TCP11: variants seen among roughly 807,000 people sequenced by gnomAD.
TCP11 encodes the protein t-complex 11.
In TCP11, 34 loss-of-function variants were observed where a neutral mutation model predicts 45.0. The observed-to-expected ratio is 0.76, with a 90% CI of 0.57 to 1.01. The LOEUF (loss-of-function observed/expected upper bound fraction) is 1.01. TCP11 is among the 50% of genes least tolerant of loss of function. TCP11 has a pLI of 0.00. For synonymous variants in TCP11, 227 were observed against 227.0 expected (o/e 1.00, Z 0.00); for missense variants, 523 against 598.1 (o/e 0.87, Z 1.31).
chr6:35,139,706 G>A (rs566075193), intron 2 of TCP11, among the ~76,000 whole-genome samples: 78 of 152,284 alleles, frequency 5.1e-4, no homozygotes, highest in Non-Finnish European at 7.9e-4. Context: ...GCCTTGATAA[G>A]ACTTCTGTTG....
At chr6:35,135,918 T>C (rs1017575760) in intron 3 of TCP11, among the ~76,000 whole-genome samples, 189 bp downstream of exon 3, 3 of 152,198 alleles carry the variant, frequency 2.0e-5, no homozygotes, top group African/African-American at 7.2e-5. Flanking sequence ...CTAAGTAACA[T>C]TTGCTTCTTG....
intron 3 of TCP11, 65 bp downstream of exon 3, chr6:35,136,042 G>A: frequency 8.2e-7 from 1 of 1,226,278 alleles, no homozygotes; most frequent in Admixed American, 2.2e-5. Flanking sequence ...AGTCTGATCT[G>A]AAGCCATCAG....
chr6:35,122,171 C>T lies in TCP11; in HGVS notation c.524G>A (p.Arg175Gln), dbSNP rs750331817. ...NMMALLCAPV[R>Q]DEAVQKLENI... is the part of the protein sequence containing the mutation. ...TTCTAGTTTCTGCACTGCTTCATCT[C>T]GAACTGGTGCACACAGCAAAGCCAT... Residue 175 changes from arginine (R) to glutamine (Q), a missense_variant, in exon 5 of 10, where the codon CGA becomes CAA. This residue lies in a region of TCP11 where 225 missense variants were observed against 210.2 expected (regional missense o/e 1.07). Transcript: ENST00000311875. The T allele has an allele frequency of 3.7e-6, 6 of 1,614,166 alleles. No individual in the cohort carries two copies. Among genetic ancestry groups the T allele is most frequent in the East Asian group, 2.2e-5 (1 of 44,886 alleles).
intron 3 of TCP11, among the ~76,000 whole-genome samples, chr6:35,134,195 C>T (rs1381372572): frequency 4.0e-4 from 61 of 151,460 alleles, no homozygotes; most frequent in East Asian, 1.9e-4. Flanking sequence ...GGATCCCCCT[C>T]GGAAATTCAT....
chr6:35,118,415 T>C lies in TCP11; in HGVS notation c.1366A>G (p.Ile456Val), dbSNP rs1193746804. The change falls in exon 10 of 10, where the codon ATT becomes GTT. Residue 456 changes from isoleucine to valine, a missense_variant. Ile to Val is a conservative substitution (Grantham distance 29). This residue lies in a region of TCP11 where 298 missense variants were observed against 387.9 expected (regional missense o/e 0.77). Coordinates refer to ENST00000311875, the MANE Select transcript of TCP11 (RefSeq NM_001370687.1). ...CCCAGTTCTGCCAGTTCTGCTTCAATGAGAGTAAGGCCTCCAGGAAGGTCT... is the reference window on the plus strand; with the variant it reads ...CCCAGTTCTGCCAGTTCTGCTTCAACGAGAGTAAGGCCTCCAGGAAGGTCT... ...LLDLPGGLTL[I>V]EAELAELGQK... 1.2e-6 allele frequency: 2 copies of C among 1,614,042 alleles called. No homozygotes were observed. Among genetic ancestry groups the C allele is most frequent in the African/African-American group, 1.3e-5 (1 of 74,918 alleles).
chr6:35,140,313 A>T (rs1049301471), intron 2 of TCP11: 15 of 974,692 alleles, frequency 1.5e-5, no homozygotes, highest in African/African-American at 6.6e-5. Flanking sequence ...CAACAAGAAC[A>T]CAAAAGAACA....
At position 35,118,341 on chromosome 6, in the gene TCP11, G is replaced by A. The variant is rs990598764; in HGVS notation, c.1440C>T (p.Pro480=). 4 of 1,614,048 alleles carry A rather than the reference G, an allele frequency of 2.5e-6. No individual in the cohort carries two copies. The African/African-American group carries it at 5.3e-5, about 22-fold the overall frequency. ...LTHHNQQVFG[P]YYTEILKTLI... is the part of the protein sequence containing the mutation. The stretch of plus-strand genomic sequence containing the variant: ...GGGTTTTTAGGATCTCAGTGTAGTA[G>A]GGACCAAACACCTGCTGATTGTGAT... The change falls in exon 10 of 10, where the codon CCC becomes CCT. Residue 480 remains proline, a synonymous_variant. Transcript: ENST00000311875.
In TCP11 at chr6:35,140,734, G is replaced by A. The variant is rs951550752; in HGVS notation, c.124+13C>T. The A allele has an allele frequency of 2.0e-6, 3 of 1,525,728 alleles. No homozygotes were observed. The highest frequency in any genetic ancestry group is 2.3e-5 in the East Asian group (1 of 44,386). 94.5% of individuals were successfully genotyped at this position (1,525,728 alleles called of 1,614,324 possible). On this transcript the variant is annotated intron_variant, in intron 2 of 9. Transcript: ENST00000311875. Reference sequence around the variant, plus strand: ...CCCCTAGGGGGCCACAGGGACTGCCGAGCTGGACCTACAGGGAGGGGGGTC... The same window carrying A: ...CCCCTAGGGGGCCACAGGGACTGCCAAGCTGGACCTACAGGGAGGGGGGTC...
intron 3 of TCP11, among the ~76,000 whole-genome samples, chr6:35,132,582 C>T (rs554397682): frequency 6.6e-6 from 1 of 152,302 alleles, no homozygotes; most frequent in South Asian, 2.1e-4. Context: ...TGAAATTTCC[C>T]TTAGGAGCCT....
intron 3 of TCP11, among the ~76,000 whole-genome samples, chr6:35,131,746 C>T (rs886853709): frequency 3.3e-5 from 5 of 152,148 alleles, no homozygotes; most frequent in African/African-American, 7.2e-5. Context: ...TCCTGAGCAG[C>T]GGGGTTTACA....
intron 4 of TCP11, among the ~76,000 whole-genome samples, chr6:35,125,945 T>C (rs774323756): frequency 5.9e-5 from 9 of 152,132 alleles, no homozygotes; most frequent in Non-Finnish European, 1.0e-4. Flanking sequence ...TATAAGTACC[T>C]AGAGTAGTCA....
intron 3 of TCP11, among the ~76,000 whole-genome samples, chr6:35,133,946 C>T (rs1780748247): frequency 6.6e-6 from 1 of 152,032 alleles, no homozygotes; most frequent in African/African-American, 2.4e-5. Context: ...GGTATGGAAG[C>T]ATTCTTTATC....
Position 35,120,600 on chromosome 6 carries a change from G to A in TCP11, c.762C>T (p.Asp254=), listed in dbSNP as rs1779129280. 6.2e-7 allele frequency: 1 copy of A among 1,613,696 alleles called. No individual in the cohort carries two copies. Among genetic ancestry groups the A allele is most frequent in the South Asian group, 1.1e-5 (1 of 91,084 alleles). The part of the protein sequence containing the change: ...TTKWLTQAAG[D]LTMSPPTCPD... ...GGCAAGTCGGAGGTGACATGGTGAG[G>A]TCTCCTGCTGCTTGGGTCAGCCATT... Residue 254 remains aspartate, a synonymous_variant, in exon 7 of 10, where the codon GAC becomes GAT. Transcript: ENST00000311875. The surrounding 1 kb of genome is among the most constrained non-coding windows in gnomAD (Gnocchi z 4.9).
In TCP11 at chr6:35,120,874, C is replaced by G. The variant is rs1211161281; in HGVS notation, c.715+35G>C. On this transcript the variant is annotated intron_variant, in intron 6 of 9. Transcript: ENST00000311875. This position sits in a 1 kb window ranked among gnomAD's most constrained non-coding sequence, Gnocchi z 4.9. ...TATAAAAGTCAGACCCAAGGTAATA[C>G]CTTTCCCACTCCTGCCCTCACATTA... 4.4e-6 allele frequency: 7 copies of G among 1,589,772 alleles called. No homozygotes were observed. The highest frequency in any genetic ancestry group is 6.0e-6 in the Non-Finnish European group (7 of 1,166,554).
chr6:35,121,872 T>C (rs1251374388), intron 5 of TCP11, among the ~76,000 whole-genome samples: 1 of 150,148 alleles, frequency 6.7e-6, no homozygotes, highest in Non-Finnish European at 1.5e-5. Flanking sequence ...AAGAAAGAAG[T>C]ATGTACTGTA....
intron 9 of TCP11, 57 bp from the exon 10 acceptor site, chr6:35,118,558 A>T: frequency 1.3e-6 from 2 of 1,495,250 alleles, no homozygotes; most frequent in Non-Finnish European, 1.8e-6. Context: ...CAGGGAGAAA[A>T]TTCCCCCTGC....
intron 4 of TCP11, among the ~76,000 whole-genome samples, chr6:35,123,002 TCCAAATCTAC>T (rs1779454674): frequency 6.6e-6 from 1 of 152,176 alleles, no homozygotes; most frequent in Non-Finnish European, 1.5e-5. Flanking sequence ...GCCTCTCAGC[TCCAAATCTAC>T]CCTTCAGTGC....
chr6:35,127,824 T>A (rs1235472888), intron 4 of TCP11, among the ~76,000 whole-genome samples: 2 of 152,172 alleles, frequency 1.3e-5, no homozygotes, highest in African/African-American at 2.4e-5. Context: ...TTTTCAGGAA[T>A]TCAAATGTGT....
intron 3 of TCP11, among the ~76,000 whole-genome samples, chr6:35,134,220 C>G (rs886304764): frequency 6.6e-6 from 1 of 151,762 alleles, no homozygotes; most frequent in Admixed American, 6.6e-5. Context: ...GCTCAAGTCC[C>G]TGATACAAAA....
Sources: allele counts gnomAD v4.1 joint callset (sites outside exome capture counted in the v4.1 genomes callset), GRCh38; gene constraint gnomAD v4.1.1; regional missense constraint gnomAD v4.1.1; non-coding constraint Gnocchi (gnomAD v3.1); transcripts MANE v1.5; gene names NCBI Gene and HGNC (gene_info 2026-07-23, HGNC 2026-07-21).